CELF2: variants seen among roughly 807,000 people sequenced by gnomAD.
CELF2 encodes CUGBP Elav-like family member 2.
In CELF2, 8 loss-of-function variants were observed where a neutral mutation model predicts 62.6. The ratio of observed to expected loss-of-function variants is 0.13; its 90% confidence interval spans 0.07 to 0.23. The LOEUF (loss-of-function observed/expected upper bound fraction) is 0.23. CELF2 is among the 10% of genes least tolerant of loss of function. The pLI is 1.00. For synonymous variants in CELF2, 258 were observed against 250.0 expected, an observed-to-expected ratio of 1.03 and a Z score of -0.30; for missense variants, 333 against 671.0, an observed-to-expected ratio of 0.50 and a Z score of 5.56.
In CELF2 at chr10:10,921,577, G is replaced by A. The variant is rs2064918124; in HGVS notation, c.89+1578G>A. ...GCCACCGTGCCTGGCCATGTCAGAT[G>A]TTTCCAAAAGAGAGGAGAAATTTAC... On this transcript the variant is annotated intron_variant, in intron 2 of 13. Transcript: ENST00000636488. 3.9e-5 allele frequency among the ~76,000 whole-genome samples: 6 copies of A among 152,230 alleles called. No homozygotes were observed. In the South Asian group the frequency reaches 1.0e-3, roughly 26 times the overall value.
chr10:10,846,899 G>C (rs1478239342), intron 1 of CELF2, among the ~76,000 whole-genome samples: 2 of 152,180 alleles, frequency 1.3e-5, no homozygotes, highest in South Asian at 4.1e-4. Flanking sequence ...ACACTTCCAT[G>C]TGATTGCAGG....
intron 1 of CELF2, among the ~76,000 whole-genome samples, chr10:11,126,413 G>A (rs1445827126): frequency 6.6e-6 from 1 of 152,178 alleles, no homozygotes; most frequent in Non-Finnish European, 1.5e-5. Flanking sequence ...AGGAAGAAGA[G>A]AGGGGTTTGA....
At chr10:10,826,482 A>G (rs771823110) in intron 1 of CELF2, among the ~76,000 whole-genome samples, 41 of 152,236 alleles carry the variant, frequency 2.7e-4, no homozygotes, top group Non-Finnish European at 4.9e-4. Context: ...GTATGTCTCA[A>G]ATATTGCATG....
chr10:10,768,095 G>A, the CELF2 span, among the ~76,000 whole-genome samples: 1 of 147,600 alleles, frequency 6.8e-6, no homozygotes, highest in Admixed American at 6.6e-5. Context: ...GAACCCGGGA[G>A]GCGGAGCTTG....
intron 1 of CELF2, among the ~76,000 whole-genome samples, chr10:11,056,220 T>G (rs2065208618): frequency 6.6e-6 from 1 of 152,234 alleles, no homozygotes; most frequent in Non-Finnish European, 1.5e-5. Context: ...TTCTAATAAT[T>G]CATTCTGCAT....
chr10:11,014,098 T>C (rs183610594), upstream of CELF2, among the ~76,000 whole-genome samples: 10 of 152,374 alleles, frequency 6.6e-5, no homozygotes, highest in Admixed American at 5.9e-4. Flanking sequence ...GACGTGTTTT[T>C]TTGTTTCTTT....
Position 11,268,574 on chromosome 10 carries a change from T to G in CELF2, c.618+1897T>G, listed in dbSNP as rs528469705. On this transcript the variant is annotated intron_variant, in intron 6 of 12. Coordinates refer to ENST00000633077, the MANE Select transcript of CELF2 (RefSeq NM_001326342.2). The surrounding 1 kb of genome is among the most constrained non-coding windows in gnomAD (Gnocchi z 4.7). ...AGTTGGTTTGACCACTGGGGCATAT[T>G]TATTCCTAAGCCTTTGATCCTTTAT... 1.9e-4 allele frequency among the ~76,000 whole-genome samples: 29 copies of G among 152,330 alleles called. No homozygotes were observed. Among genetic ancestry groups the G allele is most frequent in the South Asian group, 1.0e-3 (5 of 4,828 alleles).
At chr10:10,513,790 T>C in the CELF2 span, among the ~76,000 whole-genome samples, 3 of 152,198 alleles carry the variant, frequency 2.0e-5, no homozygotes, top group African/African-American at 7.2e-5. Flanking sequence ...ATTAGACCCA[T>C]AGAAGGGACA....
the CELF2 span, among the ~76,000 whole-genome samples, chr10:10,666,033 G>A: frequency 2.6e-3 from 400 of 152,334 alleles, 4 homozygotes; most frequent in African/African-American, 9.2e-3. Context: ...CGCTTGCAAA[G>A]CAGAGAAAAT....
At chr10:11,017,763 G>A (rs1207834236), upstream of CELF2, among the ~76,000 whole-genome samples, 3 of 151,852 alleles carry the variant, frequency 2.0e-5, no homozygotes, top group East Asian at 5.8e-4. The surrounding 1 kb of genome is among the most constrained non-coding windows in gnomAD (Gnocchi z 5.5). Context: ...GGCGGTGAGC[G>A]CGGAGGCGGC....
chr10:11,225,885 T>C (rs1296033372), intron 3 of CELF2, among the ~76,000 whole-genome samples: 1 of 152,254 alleles, frequency 6.6e-6, no homozygotes, highest in African/African-American at 2.4e-5. Flanking sequence ...TCAGGTGATG[T>C]ATCGATAGCA....
rs187020689 is a variant in CELF2, at chr10:10,951,896, G to C, written c.89+31897G>C. The C allele has an allele frequency of 2.7e-3, 410 of 152,518 alleles. 3 individuals carry two copies. Among genetic ancestry groups the C allele is most frequent in the African/African-American group, 9.6e-3 (400 of 41,576 alleles). The allele number at this position is 152,518 out of a possible 1,614,324, so 9.4% of individuals were successfully genotyped here. On this transcript the variant is annotated intron_variant, in intron 2 of 13. Transcript: ENST00000636488. ...AGAGGCGTTCGGTGTGAAGAGACCT[G>C]TGGATCCCATCTCCAAAACTCCAGG...
At chr10:10,790,609 A>G in the CELF2 span, among the ~76,000 whole-genome samples, 1 of 152,144 alleles carries the variant, frequency 6.6e-6, no homozygotes, top group Non-Finnish European at 1.5e-5. Flanking sequence ...TGATATTACT[A>G]TAGCTGTCTT....
At chr10:10,891,148 C>T (rs1324760959) in intron 1 of CELF2, among the ~76,000 whole-genome samples, 2 of 152,082 alleles carry the variant, frequency 1.3e-5, no homozygotes, top group South Asian at 2.1e-4. Flanking sequence ...CAGCTAAGAA[C>T]AAATGTAAGT....
chr10:11,237,754 G>A lies in CELF2; in HGVS notation c.355-11399G>A, dbSNP rs559774524. Among the ~76,000 whole-genome samples the A allele has an allele frequency of 2.3e-4, 26 of 114,754 alleles. No homozygotes were observed. The highest frequency in any genetic ancestry group is 1.4e-3 in the Admixed American group (17 of 12,226). 75.3% of individuals were successfully genotyped at this position (114,754 alleles called of 152,430 possible). On this transcript the variant is annotated intron_variant, in intron 3 of 12. Coordinates refer to ENST00000633077, the MANE Select transcript of CELF2 (RefSeq NM_001326342.2). The surrounding 1 kb of genome is among the most constrained non-coding windows in gnomAD (Gnocchi z 4.0). ...AACAGCTGGCACTGGGGAGGGCACC[G>A]AAGGCTGAGGGAGCACTGAGGCCCC... is the stretch of plus-strand genomic sequence containing the variant.
the CELF2 span, among the ~76,000 whole-genome samples, chr10:10,729,704 G>T: frequency 6.6e-6 from 1 of 151,904 alleles, no homozygotes; most frequent in Non-Finnish European, 1.5e-5. Context: ...GCTTGAACCT[G>T]GGAGGCGGAG....
At chr10:10,861,678 A>G (rs1204418785) in intron 1 of CELF2, among the ~76,000 whole-genome samples, 2 of 152,302 alleles carry the variant, frequency 1.3e-5, no homozygotes, top group South Asian at 4.1e-4. Flanking sequence ...TCTTGCAAGA[A>G]TTGGATATTC....
At chr10:10,815,656 G>T (rs1474397307) in intron 1 of CELF2, among the ~76,000 whole-genome samples, 1 of 152,142 alleles carries the variant, frequency 6.6e-6, no homozygotes, top group Non-Finnish European at 1.5e-5. Context: ...TCTCTCCAGA[G>T]GATAAAGCTA....
chr10:10,855,185 G>A (rs912403588), intron 1 of CELF2, among the ~76,000 whole-genome samples: 2 of 152,076 alleles, frequency 1.3e-5, no homozygotes, highest in Admixed American at 6.6e-5. Flanking sequence ...TCACACTGGG[G>A]GTCTGCAGGC....
Sources: allele counts gnomAD v4.1 joint callset (sites outside exome capture counted in the v4.1 genomes callset), GRCh38; gene constraint gnomAD v4.1.1; non-coding constraint Gnocchi (gnomAD v3.1); transcripts MANE v1.5; gene names NCBI Gene and HGNC (gene_info 2026-07-23, HGNC 2026-07-21).